PAMR1: variants seen among roughly 807,000 people sequenced by gnomAD.
PAMR1 encodes peptidase domain containing associated with muscle regeneration 1, also known as inactive serine protease PAMR1.
In PAMR1, 88 loss-of-function variants were observed where a neutral mutation model predicts 81.8. The observed-to-expected ratio is 1.08, with a 90% confidence interval of 0.91 to 1.28. The LOEUF (loss-of-function observed/expected upper bound fraction) is 1.28, where lower values mean the gene tolerates loss of function less well. Among genes scored for constraint, PAMR1 ranks in the 50% most tolerant of loss-of-function variants. PAMR1 has a pLI of 0.00. For synonymous variants in PAMR1, 336 were observed against 345.3 expected (o/e 0.97, Z 0.30); for missense variants, 935 against 919.7 (o/e 1.02, Z -0.21).
At position 35,441,472 on chromosome 11, in the gene PAMR1, G is replaced by C; in HGVS notation, c.1033+9C>G. On this transcript the variant is annotated intron_variant, in intron 7 of 10. Coordinates refer to ENST00000619888, the MANE Select transcript of PAMR1 (RefSeq NM_001001991.3). The stretch of plus-strand genomic sequence containing the variant: ...ATGTCCGTAGACTTCAGAAACAATT[G>C]TAAGTTACCTTTTATGCAGATGGGC... 1 of 1,601,496 alleles carries C rather than the reference G, an allele frequency of 6.2e-7. No homozygotes were observed. Among genetic ancestry groups the C allele is most frequent in the Non-Finnish European group, 8.5e-7 (1 of 1,170,568 alleles).
In PAMR1 at chr11:35,470,817, A is replaced by G. The variant is rs1221152059; in HGVS notation, c.496T>C (p.Phe166Leu). The change falls in exon 5 of 11, where the codon TTT (phenylalanine) becomes CTT (leucine). Residue 166 changes from phenylalanine to leucine, a missense_variant and splice_region_variant. Physicochemically the swap from Phe to Leu is conservative, Grantham distance 22. Transcript: ENST00000619888. The stretch of plus-strand genomic sequence containing the variant: ...TCAAACTCCAGGCTCAACATGACAA[A>G]TCTGTGGGTGGACAGGGTGACGGAG... ...AKPGFVIQLR[F>L]VMLSLEFDYM... 1.2e-6 allele frequency: 2 copies of G among 1,612,352 alleles called. No homozygotes were observed. Among genetic ancestry groups the G allele is most frequent in the Non-Finnish European group, 1.7e-6 (2 of 1,178,436 alleles).
intron 3 of PAMR1, among the ~76,000 whole-genome samples, chr11:35,484,294 C>G (rs751300044): frequency 6.6e-5 from 10 of 152,202 alleles, no homozygotes; most frequent in Non-Finnish European, 1.5e-4. Context: ...AGGAAAGAAA[C>G]AGAGATTCAA....
At chr11:35,495,516 T>A (rs535060024) in intron 1 of PAMR1, among the ~76,000 whole-genome samples, 1 of 152,148 alleles carries the variant, frequency 6.6e-6, no homozygotes, top group African/African-American at 2.4e-5. Context: ...TTCCTCTTCT[T>A]TTTCCCCACT....
At chr11:35,465,319 T>TA (rs142842297) in intron 6 of PAMR1, among the ~76,000 whole-genome samples, 16 of 150,850 alleles carry the variant, frequency 1.1e-4, no homozygotes, top group Admixed American at 1.3e-4. Context: ...TTAAAGCCAT[T>TA]AAAAAAAAAG....
intron 5 of PAMR1, among the ~76,000 whole-genome samples, chr11:35,469,266 T>A (rs954898142): frequency 6.6e-6 from 1 of 152,150 alleles, no homozygotes; most frequent in African/African-American, 2.4e-5. Context: ...GGAAGTGGTA[T>A]TATTTGACGG....
intron 1 of PAMR1, among the ~76,000 whole-genome samples, chr11:35,499,664 A>G (rs1220967478): frequency 1.3e-5 from 2 of 152,058 alleles, no homozygotes; most frequent in African/African-American, 4.8e-5. Flanking sequence ...GAGCAAGCCC[A>G]CCTCAGCCCT....
intron 6 of PAMR1, among the ~76,000 whole-genome samples, chr11:35,441,916 A>C (rs7941633): frequency 0.12 from 18,039 of 152,240 alleles, 1,357 homozygotes; most frequent in South Asian, 0.17. Flanking sequence ...TTCTATATAT[A>C]AATAAATTTG....
chr11:35,510,504 A>C (rs371219566), intron 1 of PAMR1, among the ~76,000 whole-genome samples: 372 of 111,494 alleles, frequency 3.3e-3, no homozygotes, highest in African/African-American at 0.012. Flanking sequence ...TTATCCCCCC[A>C]AAAAAAGAGT....
At chr11:35,500,350 C>A (rs1381931757) in intron 1 of PAMR1, among the ~76,000 whole-genome samples, 1 of 152,118 alleles carries the variant, frequency 6.6e-6, no homozygotes, top group Middle Eastern at 3.2e-3. Context: ...AATCGATGAA[C>A]TCATTCTTTT....
chr11:35,442,797 T>C (rs1590320536), intron 6 of PAMR1, among the ~76,000 whole-genome samples: 1 of 152,160 alleles, frequency 6.6e-6, no homozygotes, highest in South Asian at 2.1e-4. Flanking sequence ...GAGATGGGGT[T>C]TCACCATGTT....
At chr11:35,526,579 C>T (rs540784764), upstream of PAMR1, among the ~76,000 whole-genome samples, 1 of 152,336 alleles carries the variant, frequency 6.6e-6, no homozygotes, top group African/African-American at 2.4e-5. Flanking sequence ...CTGTATTTTA[C>T]AATTAGAGAA....
intron 1 of PAMR1, among the ~76,000 whole-genome samples, chr11:35,522,750 G>T (rs1220250860): frequency 1.3e-5 from 2 of 152,100 alleles, no homozygotes; most frequent in East Asian, 3.9e-4. Flanking sequence ...TTCAATTTTT[G>T]GGGGAACCAT....
At chr11:35,517,875 T>A (rs967096614) in intron 1 of PAMR1, among the ~76,000 whole-genome samples, 2 of 152,328 alleles carry the variant, frequency 1.3e-5, no homozygotes, top group South Asian at 4.1e-4. Flanking sequence ...AATAAATACA[T>A]GAATATGGAC....
chr11:35,525,916 G>A, upstream of PAMR1: 1 of 390,356 alleles, frequency 2.6e-6, no homozygotes, highest in Non-Finnish European at 4.8e-6. Context: ...GTTGGGTGCT[G>A]GGAGGAGGGG....
At chr11:35,524,702 A>T (rs1239379079) in intron 1 of PAMR1, among the ~76,000 whole-genome samples, 1 of 152,086 alleles carries the variant, frequency 6.6e-6, no homozygotes. Flanking sequence ...AGATGTTCCT[A>T]TGACGTTCCC....
chr11:35,486,071 G>A (rs1850497123), intron 3 of PAMR1, among the ~76,000 whole-genome samples: 1 of 152,224 alleles, frequency 6.6e-6, no homozygotes, highest in Non-Finnish European at 1.5e-5. Context: ...TGAGGTGAGG[G>A]TGATAAGAAC....
chr11:35,496,772 A>G (rs929502191), intron 1 of PAMR1, among the ~76,000 whole-genome samples: 2 of 152,208 alleles, frequency 1.3e-5, no homozygotes, highest in African/African-American at 4.8e-5. Flanking sequence ...AAAAAATTGA[A>G]AACAGAGACT....
At chr11:35,512,232 C>T (rs926835293) in intron 1 of PAMR1, among the ~76,000 whole-genome samples, 2 of 152,198 alleles carry the variant, frequency 1.3e-5, no homozygotes, top group Non-Finnish European at 2.9e-5. Context: ...CACACTGTCT[C>T]ACACTGTGGC....
chr11:35,506,149 T>A (rs1850947895), intron 1 of PAMR1, among the ~76,000 whole-genome samples: 1 of 151,184 alleles, frequency 6.6e-6, no homozygotes, highest in African/African-American at 2.4e-5. Flanking sequence ...GAAAACAGCT[T>A]TTAAAAAATT....
Sources: allele counts gnomAD v4.1 joint callset (sites outside exome capture counted in the v4.1 genomes callset), GRCh38; gene constraint gnomAD v4.1.1; transcripts MANE v1.5; gene names NCBI Gene and HGNC (gene_info 2026-07-23, HGNC 2026-07-21).